PHAF1: variants seen among roughly 807,000 people sequenced by gnomAD.
PHAF1 encodes phagophore assembly factor 1, also known as phagosome assembly factor 1.
In PHAF1, 23 loss-of-function variants were observed where a neutral mutation model predicts 63.1. The observed-to-expected ratio is 0.36, with a 90% CI of 0.26 to 0.52. The LOEUF (loss-of-function observed/expected upper bound fraction) is 0.52, where lower values mean the gene tolerates loss of function less well. PHAF1 is among the 20% of genes least tolerant of loss of function. PHAF1 has a pLI of 0.93. For missense variants in PHAF1, 427 were observed against 517.2 expected (o/e 0.83, Z 1.69); for synonymous variants, 167 against 185.0 (o/e 0.90, Z 0.79).
chr16:67,140,325 A>T (rs1963761177), intron 9 of PHAF1, among the ~76,000 whole-genome samples, 186 bp from the exon 10 acceptor site: 1 of 152,182 alleles, frequency 6.6e-6, no homozygotes, highest in Non-Finnish European at 1.5e-5. Context: ...AGACCAAGAC[A>T]GTCCCTAGTC....
At chr16:67,123,336 G>A (rs1249889640) in intron 2 of PHAF1, among the ~76,000 whole-genome samples, 5 of 152,038 alleles carry the variant, frequency 3.3e-5, no homozygotes, top group African/African-American at 9.7e-5. Flanking sequence ...CAGCAGTTTA[G>A]GAGGCCGAGA....
chr16:67,118,669 AAAG>A (rs1423828585), intron 1 of PHAF1, among the ~76,000 whole-genome samples: 4 of 152,008 alleles, frequency 2.6e-5, no homozygotes, highest in Non-Finnish European at 5.9e-5. Flanking sequence ...TAAAAAATAA[AAAG>A]AACTAGATAT....
chr16:67,136,895 G>A (rs925454559), intron 8 of PHAF1, among the ~76,000 whole-genome samples: 1 of 152,056 alleles, frequency 6.6e-6, no homozygotes, highest in Non-Finnish European at 1.5e-5. Context: ...AGTGGCTCAC[G>A]CCTATAATCC....
intron 2 of PHAF1, among the ~76,000 whole-genome samples, chr16:67,125,331 T>C (rs192966007): frequency 4.7e-4 from 71 of 152,262 alleles, no homozygotes; most frequent in Non-Finnish European, 8.4e-4. Context: ...ACTTCGGCTT[T>C]TCAGGAAGAA....
chr16:67,140,952 T>C (rs1464671938), intron 10 of PHAF1, among the ~76,000 whole-genome samples: 3 of 152,210 alleles, frequency 2.0e-5, no homozygotes, highest in Non-Finnish European at 4.4e-5. Context: ...CTGAAAAGGA[T>C]TGGAGACAGT....
chr16:67,131,180 G>GTTTTTTTTTTTTTTTTTTTTTTTTTTT (rs71145961), intron 3 of PHAF1, 106 bp from the exon 4 acceptor site: 1 of 244,276 alleles, frequency 4.1e-6, no homozygotes, highest in African/African-American at 2.7e-5. Context: ...ATTGGTAATA[G>GTTTTTTTTTTTTTTTTTTTTTTTTTTT]TTTTTTTTTT....
At chr16:67,120,299 G>A (rs932305356) in intron 2 of PHAF1, 105 bp downstream of exon 2, 38 of 1,002,252 alleles carry the variant, frequency 3.8e-5, no homozygotes, top group Non-Finnish European at 5.2e-5. Context: ...AGCTGTGTTC[G>A]AATGGGAGAA....
chr16:67,138,627 G>A (rs1439820912), intron 8 of PHAF1, among the ~76,000 whole-genome samples: 1 of 152,020 alleles, frequency 6.6e-6, no homozygotes, highest in African/African-American at 2.4e-5. Context: ...CTACATTTGT[G>A]TGTTTGTGTG....
intron 2 of PHAF1, among the ~76,000 whole-genome samples, chr16:67,123,790 A>C (rs182752018): frequency 5.9e-5 from 9 of 152,318 alleles, no homozygotes; most frequent in Admixed American, 5.2e-4. Context: ...TCCCAAATGC[A>C]GAAAACATTT....
chr16:67,132,750 C>A, intron 5 of PHAF1, 67 bp from the exon 6 acceptor site: 1 of 1,396,206 alleles, frequency 7.2e-7, no homozygotes, highest in Non-Finnish European at 1.0e-6. Flanking sequence ...CCCTGCCAGG[C>A]TGGTTTATGT....
intron 1 of PHAF1, among the ~76,000 whole-genome samples, chr16:67,112,331 G>A (rs1395020174): frequency 7.0e-6 from 1 of 143,688 alleles, no homozygotes; most frequent in Non-Finnish European, 1.5e-5. Context: ...ATAGCTTGAA[G>A]CCAGGAGTTC....
intron 2 of PHAF1, among the ~76,000 whole-genome samples, chr16:67,121,931 T>TTTGTCATCC (rs2145836345): frequency 6.6e-6 from 1 of 152,218 alleles, no homozygotes; most frequent in African/African-American, 2.4e-5. Flanking sequence ...AGTATCTTGC[T>TTTGTCATCC]TTGTCATCCA....
intron 2 of PHAF1, among the ~76,000 whole-genome samples, chr16:67,122,173 T>TA (rs1219901340): frequency 6.6e-6 from 1 of 152,212 alleles, no homozygotes; most frequent in African/African-American, 2.4e-5. Context: ...GTGCTGGGAT[T>TA]ACAGGCGTGA....
chr16:67,130,451 C>T (rs368330078), intron 3 of PHAF1, among the ~76,000 whole-genome samples: 2 of 149,542 alleles, frequency 1.3e-5, no homozygotes, highest in African/African-American at 5.0e-5. Flanking sequence ...TGGGTTCAAG[C>T]GGTTCTCCTG....
rs1443901563 is a variant in PHAF1, at chr16:67,134,348, T to TCC, written c.549-4_549-3dup. 1 of 1,611,322 alleles carries TCC rather than the reference T, an allele frequency of 6.2e-7. No individual in the cohort carries two copies. ...CAAGCCTCTGCTCATTCTGTGTCTG[T>TCC]CCCCAGGGCTCCCATGATGCCTCTG... On this transcript the variant is annotated splice_polypyrimidine_tract_variant and splice_region_variant and intron_variant, in intron 7 of 15. Transcript: ENST00000219139.
At chr16:67,110,272 C>G (rs757591407) in intron 1 of PHAF1, 33 bp downstream of exon 1, 2 of 1,549,398 alleles carry the variant, frequency 1.3e-6, no homozygotes, top group Non-Finnish European at 1.7e-6. Context: ...GGACCCCATT[C>G]GCTGATCCTT....
At chr16:67,127,807 A>G (rs1963248844) in intron 3 of PHAF1, among the ~76,000 whole-genome samples, 1 of 152,060 alleles carries the variant, frequency 6.6e-6, no homozygotes, top group Non-Finnish European at 1.5e-5. Flanking sequence ...AAAAAAAAAA[A>G]TTGGGGGGAA....
At chr16:67,122,867 T>C (rs1459895222) in intron 2 of PHAF1, among the ~76,000 whole-genome samples, 2 of 152,036 alleles carry the variant, frequency 1.3e-5, no homozygotes, top group African/African-American at 4.8e-5. Context: ...TACCTGCGAT[T>C]ACAGGCACAT....
rs1407674793 is a variant in PHAF1, at chr16:67,134,277, G to A, written c.548+12G>A. ...CTGCAGGATACCAAGTAAGTATAAG[G>A]AGCATGAGTTTCTTGCTAAGGCCTG... On this transcript the variant is annotated intron_variant, in intron 7 of 15. Transcript: ENST00000219139. The A allele has an allele frequency of 1.9e-6, 3 of 1,610,386 alleles. No individual in the cohort carries two copies. Among genetic ancestry groups the A allele is most frequent in the South Asian group, 1.1e-5 (1 of 91,000 alleles).
Sources: gnomAD v4.1 joint callset for allele counts (sites outside exome capture counted in the v4.1 genomes callset) on GRCh38, gnomAD v4.1.1 for gene constraint, MANE v1.5 for transcripts, NCBI Gene and HGNC (gene_info 2026-07-23, HGNC 2026-07-21) for gene names.